Variants in ACSL1 observed in about 807,000 individuals in gnomAD.
The protein encoded by ACSL1 is acyl-CoA synthetase long chain family member 1.
In ACSL1, 41 loss-of-function variants were observed where a neutral mutation model predicts 98.4. The observed-to-expected ratio is 0.42, with a 90% CI of 0.32 to 0.54. The LOEUF is 0.54. Ranked by LOEUF, ACSL1 falls within the 20% of genes least tolerant of loss-of-function variation. The pLI, the probability that ACSL1 is intolerant of heterozygous loss-of-function variation, is 0.13. For synonymous variants in ACSL1, 316 were observed against 322.7 expected (o/e 0.98, Z 0.22); for missense variants, 734 against 883.1 (o/e 0.83, Z 2.14).
At position 184,803,346 on chromosome 4, in the gene ACSL1, G is replaced by A; in HGVS notation, c.169C>T (p.Leu57Phe). 1 of 1,607,302 alleles carries A rather than the reference G, an allele frequency of 6.2e-7. No homozygotes were observed. Among genetic ancestry groups the A allele is most frequent in the Non-Finnish European group, 8.5e-7 (1 of 1,176,662 alleles). The change falls in exon 2 of 21, where the codon CTC becomes TTC. Residue 57 changes from leucine (L) to phenylalanine (F), a missense_variant. Transcript: ENST00000281455. The surrounding 1 kb of genome is among the most constrained non-coding windows in gnomAD (Gnocchi z 4.8). ...GCCACTTCCACTGACTGCATGGAGA[G>A]GTCGCATGGCGGCTTCAGGGGTTTG... is the stretch of plus-strand genomic sequence containing the variant. ...RPKPLKPPCDLSMQSVEVAGS... is the reference protein window; with the variant it reads ...RPKPLKPPCDFSMQSVEVAGS...
In ACSL1 at chr4:184,766,538, T is replaced by A; in HGVS notation, c.1263+84A>T. On this transcript the variant is annotated intron_variant, in intron 13 of 20. Coordinates refer to ENST00000281455, the MANE Select transcript of ACSL1 (RefSeq NM_001995.5). This position sits in a 1 kb window ranked among gnomAD's most constrained non-coding sequence, Gnocchi z 4.8. The stretch of plus-strand genomic sequence containing the variant: ...TTATTCTCTCCCTTACCTTCATCTC[T>A]CCCTCTCACAAAAAAGGCCCTCCCA... The A allele has an allele frequency of 6.6e-7, 1 of 1,515,362 alleles. No individual in the cohort carries two copies. Among genetic ancestry groups the A allele is most frequent in the Non-Finnish European group, 9.0e-7 (1 of 1,115,406 alleles). The allele number at this position is 1,515,362 out of a possible 1,614,324, so 93.9% of individuals were successfully genotyped here.
At chr4:184,779,874 C>CTTTTTT (rs71591667) in intron 5 of ACSL1, among the ~76,000 whole-genome samples, 1 of 141,372 alleles carries the variant, frequency 7.1e-6, no homozygotes, top group Non-Finnish European at 1.6e-5. Context: ...GTTTTCCTTT[C>CTTTTTT]TTTTTTTTTT....
intron 2 of ACSL1, among the ~76,000 whole-genome samples, chr4:184,794,037 G>A (rs956676490): frequency 2.0e-5 from 3 of 152,148 alleles, no homozygotes; most frequent in African/African-American, 7.2e-5. Context: ...AGGGAATAAT[G>A]ACAAGGAAAA....
intron 3 of ACSL1, chr4:184,788,369 T>C (rs1767767094): frequency 3.3e-6 from 2 of 604,388 alleles, no homozygotes; most frequent in Non-Finnish European, 6.2e-6. Flanking sequence ...TGGTGTAACA[T>C]GTGACTCACC....
chr4:184,767,994 G>A, intron 12 of ACSL1: 1 of 421,256 alleles, frequency 2.4e-6, no homozygotes, highest in Non-Finnish European at 4.1e-6. Flanking sequence ...AACAGTAGGA[G>A]AGAAGAGGTA....
chr4:184,808,249 ACACACACACAC>A, intron 1 of ACSL1: 1 of 919,254 alleles, frequency 1.1e-6, no homozygotes, highest in Non-Finnish European at 1.3e-6. Flanking sequence ...ATACACACAC[ACACACACACAC>A]TGCCCCTGCA....
chr4:184,809,013 A>C (rs923832089), intron 1 of ACSL1, among the ~76,000 whole-genome samples: 2 of 152,126 alleles, frequency 1.3e-5, no homozygotes, highest in Non-Finnish European at 2.9e-5. Flanking sequence ...AGTTATTCCC[A>C]CCCACTGCCT....
upstream of ACSL1, chr4:184,826,497 T>G (rs369565505): frequency 7.0e-6 from 1 of 143,140 alleles, no homozygotes; most frequent in Non-Finnish European, 1.6e-5. Context: ...CCCCACAGGG[T>G]TTCCCCCACG....
chr4:184,811,186 G>A (rs1409761563), intron 1 of ACSL1, among the ~76,000 whole-genome samples: 1 of 151,862 alleles, frequency 6.6e-6, no homozygotes, highest in Non-Finnish European at 1.5e-5. Flanking sequence ...TCGGCTCACT[G>A]CAAGCTCCGC....
intron 1 of ACSL1, among the ~76,000 whole-genome samples, chr4:184,806,906 G>A (rs569340481): frequency 2.6e-4 from 40 of 152,282 alleles, no homozygotes; most frequent in African/African-American, 8.9e-4. Context: ...GCTATACATA[G>A]GAAAACTATA....
intron 12 of ACSL1, 80 bp downstream of exon 12, chr4:184,768,236 C>T: frequency 1.4e-6 from 2 of 1,459,930 alleles, no homozygotes; most frequent in Non-Finnish European, 1.8e-6. Flanking sequence ...ACAGATGGCA[C>T]ATGGCACAGC....
intron 1 of ACSL1, among the ~76,000 whole-genome samples, chr4:184,823,262 T>A (rs1371226660): frequency 6.6e-6 from 1 of 152,356 alleles, no homozygotes; most frequent in East Asian, 1.9e-4. Context: ...AGCTTTGAGC[T>A]GCCTTAGAGG....
chr4:184,802,367 G>C (rs991520492), intron 2 of ACSL1, among the ~76,000 whole-genome samples: 5 of 152,192 alleles, frequency 3.3e-5, no homozygotes, highest in African/African-American at 9.7e-5. Flanking sequence ...TCAGCCCGGG[G>C]GGGTGGGGGA....
At position 184,776,558 on chromosome 4, in the gene ACSL1, C is replaced by A; in HGVS notation, c.682G>T (p.Asp228Tyr). The change falls in exon 7 of 21, where the codon GAT becomes TAT. Residue 228 changes from aspartate (D) to tyrosine (Y), a missense_variant. Asp to Tyr is a radical substitution (Grantham distance 160). Transcript: ENST00000281455. ...TCCACCAGTTCACTGCCGTAGGCAT[C>A]CATGACAACTATGATTTTAAGGCCT... The part of the protein sequence containing the change: ...IPGLKIIVVM[D>Y]AYGSELVERG... 2 of 1,614,170 alleles carry A rather than the reference C, an allele frequency of 1.2e-6. No homozygotes were observed. The highest frequency in any genetic ancestry group is 1.7e-6 in the Non-Finnish European group (2 of 1,180,022).
chr4:184,768,507 A>G, intron 11 of ACSL1, 57 bp from the exon 12 acceptor site: 1 of 1,554,772 alleles, frequency 6.4e-7, no homozygotes, highest in Non-Finnish European at 8.6e-7. Flanking sequence ...GTTACACAAC[A>G]TATGGACAAC....
chr4:184,770,223 T>C lies in ACSL1; in HGVS notation c.993+176A>G, dbSNP rs751483531. 9.2e-6 allele frequency: 14 copies of C among 1,527,138 alleles called. No individual in the cohort carries two copies. In the South Asian group the frequency reaches 9.6e-5, roughly 10 times the overall value. The allele number at this position is 1,527,138 out of a possible 1,614,324, so 94.6% of individuals were successfully genotyped here. On this transcript the variant is annotated intron_variant, in intron 11 of 20. Coordinates refer to ENST00000281455, the MANE Select transcript of ACSL1 (RefSeq NM_001995.5). ...AAACGGGGCTGAGCAGAGAATTCTC[T>C]ATAGGGATGACAGTCCGCACGCCAC...
chr4:184,794,616 T>TG (rs1404892807), intron 2 of ACSL1, among the ~76,000 whole-genome samples: 2 of 152,084 alleles, frequency 1.3e-5, no homozygotes, highest in East Asian at 1.9e-4. Context: ...AGCTCAGACT[T>TG]GGGGGGGCTG....
intron 17 of ACSL1, 129 bp downstream of exon 17, chr4:184,762,278 C>T: frequency 2.6e-6 from 2 of 778,444 alleles, no homozygotes; most frequent in South Asian, 1.5e-5. Context: ...CATCATACCA[C>T]TCACCAAGGA....
intron 1 of ACSL1, among the ~76,000 whole-genome samples, chr4:184,823,798 A>G (rs1054063669): frequency 6.6e-6 from 1 of 152,254 alleles, no homozygotes; most frequent in Non-Finnish European, 1.5e-5. Flanking sequence ...TGGGTTATAT[A>G]TAATGGCAAC....
Sources: gnomAD v4.1 joint callset for allele counts (sites outside exome capture counted in the v4.1 genomes callset) on GRCh38, gnomAD v4.1.1 for gene constraint, Gnocchi (gnomAD v3.1) non-coding constraint, MANE v1.5 for transcripts, NCBI Gene and HGNC (gene_info 2026-07-23, HGNC 2026-07-21) for gene names.